The following IL3RA variants were observed in gnomAD, a reference collection of about 807,000 sequenced individuals.
The protein encoded by IL3RA is interleukin-3 receptor subunit alpha.
In IL3RA, 73 loss-of-function variants were observed where a neutral mutation model predicts 52.3. That is an observed-to-expected ratio of 1.40 (90% CI 1.16 to 1.70). The LOEUF (loss-of-function observed/expected upper bound fraction) is 1.70, where lower values mean the gene tolerates loss of function less well. Ranked by LOEUF, IL3RA falls within the 40% of genes most tolerant of loss-of-function variation. IL3RA has a pLI of 0.00. For synonymous variants in IL3RA, 260 were observed against 194.0 expected, an observed-to-expected ratio of 1.34 and a Z score of -2.83; for missense variants, 664 against 504.4, an observed-to-expected ratio of 1.32 and a Z score of -3.03.
At chrX:1,381,352 C>T (rs753966390) in intron 11 of IL3RA, among the ~76,000 whole-genome samples, 4 of 152,050 alleles carry the variant, frequency 2.6e-5, no homozygotes, top group African/African-American at 9.7e-5. Flanking sequence ...GAACTACGAT[C>T]GAGCCACTGC....
chrX:1,352,566 C>A, intron 6 of IL3RA, 60 bp downstream of exon 6: 1 of 1,541,016 alleles, frequency 6.5e-7, no homozygotes, highest in Admixed American at 1.9e-5. Context: ...GCTTTAGCGC[C>A]AGGCCAGATC....
intron 2 of IL3RA, among the ~76,000 whole-genome samples, chrX:1,345,109 A>T (rs1280249656): frequency 6.6e-6 from 1 of 150,424 alleles, no homozygotes; most frequent in Admixed American, 6.6e-5. Context: ...CGGAGCTTGC[A>T]GTGAGCTGAG....
At chrX:1,344,305 G>T (rs186744227) in intron 2 of IL3RA, among the ~76,000 whole-genome samples, 160 of 151,514 alleles carry the variant, frequency 1.1e-3, no homozygotes, top group African/African-American at 3.6e-3. Context: ...GTGGTGGCAG[G>T]CACCTGTTAT....
chrX:1,382,670 ATTTTT>A lies in IL3RA; in HGVS notation c.*214_*218del. On this transcript the variant is annotated 3_prime_UTR_variant, in exon 12 of 12. Coordinates refer to ENST00000331035, the MANE Select transcript of IL3RA (RefSeq NM_002183.4). ...TGTGTGTTTATTTCATGATAAAGTG[ATTTTT>A]TTTTTTTTAACCCACTCACTGGTCC... 1 of 531,434 alleles carries A rather than the reference ATTTTT, an allele frequency of 1.9e-6. No homozygotes were observed. Among genetic ancestry groups the A allele is most frequent in the Non-Finnish European group, 3.4e-6 (1 of 293,038 alleles). The allele number at this position is 531,434 out of a possible 1,614,324, so 32.9% of individuals were successfully genotyped here.
chrX:1,341,715 G>A lies in IL3RA; in HGVS notation c.-38-13G>A, dbSNP rs371052803. 1.3e-4 allele frequency: 216 copies of A among 1,609,396 alleles called. No homozygotes were observed. In the African/African-American group the frequency reaches 2.3e-3, roughly 17 times the overall value. ...AGCCAGTCCCCGCTGCCTGACTCTC[G>A]TTTCTCCTGCAGCAGGCACCTCTGT... is the stretch of plus-strand genomic sequence containing the variant. On this transcript the variant is annotated splice_polypyrimidine_tract_variant and intron_variant, in intron 1 of 11. Transcript: ENST00000331035.
intron 8 of IL3RA, among the ~76,000 whole-genome samples, chrX:1,359,380 C>G (rs1454570716): frequency 6.6e-6 from 1 of 152,060 alleles, no homozygotes; most frequent in Non-Finnish European, 1.5e-5. Context: ...AACAGACAGC[C>G]GGACCACAGC....
chrX:1,382,518 G>A lies in IL3RA; in HGVS notation c.*53G>A. 1.9e-6 allele frequency: 3 copies of A among 1,552,504 alleles called. No individual in the cohort carries two copies. Among genetic ancestry groups the A allele is most frequent in the South Asian group, 1.1e-5 (1 of 89,852 alleles). On this transcript the variant is annotated 3_prime_UTR_variant, in exon 12 of 12. Coordinates refer to ENST00000331035, the MANE Select transcript of IL3RA (RefSeq NM_002183.4). ...TGCCTCAATCTCCCTGGCCGGGCCA[G>A]GCGCCTGCACAGACTGGCTGCTGGA... is the stretch of plus-strand genomic sequence containing the variant.
At chrX:1,360,699 T>G (rs2087198451) in intron 8 of IL3RA, among the ~76,000 whole-genome samples, 1 of 151,932 alleles carries the variant, frequency 6.6e-6, no homozygotes, top group African/African-American at 2.4e-5. Flanking sequence ...TTTTTTTTTT[T>G]TGTATTTTTA....
intron 8 of IL3RA, among the ~76,000 whole-genome samples, chrX:1,363,427 A>C (rs2087631368): frequency 6.6e-6 from 1 of 151,074 alleles, no homozygotes; most frequent in South Asian, 2.1e-4. Flanking sequence ...CAGCCTCCTG[A>C]GTAGCTGGGA....
chrX:1,337,676 G>A (rs6647009), intron 1 of IL3RA, among the ~76,000 whole-genome samples: 2,204 of 60,026 alleles, frequency 0.037, 1 homozygote, highest in East Asian at 0.052. Flanking sequence ...CCAGCCACAC[G>A]GTGGAATATT....
intron 4 of IL3RA, among the ~76,000 whole-genome samples, chrX:1,349,357 T>C (rs6422440): frequency 0.72 from 108,592 of 151,450 alleles, 39,225 homozygotes; most frequent in Middle Eastern, 0.79. Context: ...AATTCTTGTA[T>C]TTTTAGTAGA....
intron 6 of IL3RA, among the ~76,000 whole-genome samples, chrX:1,353,160 T>C (rs1332501588): frequency 7.3e-5 from 10 of 137,140 alleles, no homozygotes; most frequent in African/African-American, 2.2e-4. Flanking sequence ...ATGGGATCCC[T>C]CATCGTGGGT....
At position 1,341,777 on chromosome X, in the gene IL3RA, T is replaced by C; in HGVS notation, c.12T>C (p.Leu4=). The C allele has an allele frequency of 1.2e-6, 2 of 1,613,914 alleles. No individual in the cohort carries two copies. Among genetic ancestry groups the C allele is most frequent in the Non-Finnish European group, 1.7e-6 (2 of 1,179,856 alleles). MVL[L]WLTLLLIALP... Reference sequence around the variant, plus strand: ...GAGCTGCGTTCCCGATGGTCCTCCTTTGGCTCACGCTGCTCCTGATCGCCC... The same window carrying C: ...GAGCTGCGTTCCCGATGGTCCTCCTCTGGCTCACGCTGCTCCTGATCGCCC... The change falls in exon 2 of 12, where the codon CTT becomes CTC. Residue 4 remains leucine, a synonymous_variant. Transcript: ENST00000331035.
In IL3RA at chrX:1,378,724, A is replaced by G; in HGVS notation, c.940A>G (p.Thr314Ala). 1 of 1,612,494 alleles carries G rather than the reference A, an allele frequency of 6.2e-7. No individual in the cohort carries two copies. Among genetic ancestry groups the G allele is most frequent in the Non-Finnish European group, 8.5e-7 (1 of 1,179,838 alleles). Residue 314 changes from threonine to alanine, a missense_variant, in exon 10 of 12, where the codon ACG becomes GCG. Thr to Ala is a moderately conservative substitution (Grantham distance 58). Transcript: ENST00000331035. ...GACGTCGCTGCTGATCGCGCTGGGG[A>G]CGCTGCTGGCCCTGGTCTGTGTCTT... ...WRTSLLIALG[T>A]LLALVCVFVI...
Position 1,365,154 on chromosome X carries a change from C to G in IL3RA, c.776C>G (p.Ser259Cys), listed in dbSNP as rs1157599671. The G allele has an allele frequency of 2.5e-5, 40 of 1,610,008 alleles. No individual in the cohort carries two copies. Among genetic ancestry groups the G allele is most frequent in the Non-Finnish European group, 3.3e-5 (39 of 1,178,002 alleles). Residue 259 changes from serine to cysteine, a missense_variant, in exon 9 of 12, where the codon TCC becomes TGC. Physicochemically the swap from Ser to Cys is moderately radical, Grantham distance 112 (BLOSUM62 -1). Coordinates refer to ENST00000331035, the MANE Select transcript of IL3RA (RefSeq NM_002183.4). ...AAACCACAGGTCAGAGACAGAACCT[C>G]CTTCCAGCTACTCAATCCTGGAACG... ...VITEQVRDRT[S>C]FQLLNPGTYT...
Position 1,349,755 on chromosome X carries a change from C to T in IL3RA, c.298+1210C>T, listed in dbSNP as rs1214858916. On this transcript the variant is annotated intron_variant, in intron 4 of 11. Coordinates refer to ENST00000331035, the MANE Select transcript of IL3RA (RefSeq NM_002183.4). ...TCAGCTTACCGCAAACTCCGCCTCCCGGGTTCAAGCGATTCTCCTGCCTCA... is the reference window on the plus strand; with the variant it reads ...TCAGCTTACCGCAAACTCCGCCTCCTGGGTTCAAGCGATTCTCCTGCCTCA... Among the ~76,000 whole-genome samples, 37 of 152,096 alleles carry T rather than the reference C, an allele frequency of 2.4e-4. 1 individual carries two copies. The highest frequency in any genetic ancestry group is 7.9e-4 in the African/African-American group (33 of 41,514).
At chrX:1,348,650 CT>C (rs1299048382) in intron 4 of IL3RA, 105 bp downstream of exon 4, 1 of 357,382 alleles carries the variant, frequency 2.8e-6, no homozygotes, top group East Asian at 4.4e-5. Context: ...TTTTCTCTTT[CT>C]TTCTTTCTTT....
At chrX:1,340,719 C>T (rs1167330991) in intron 1 of IL3RA, among the ~76,000 whole-genome samples, 1 of 152,156 alleles carries the variant, frequency 6.6e-6, no homozygotes, top group Non-Finnish European at 1.5e-5. Flanking sequence ...GGCACGGTGG[C>T]TCACACCTGT....
intron 8 of IL3RA, among the ~76,000 whole-genome samples, chrX:1,361,920 T>C (rs1369239605): frequency 6.6e-6 from 1 of 151,988 alleles, no homozygotes; most frequent in Non-Finnish European, 1.5e-5. Context: ...GTGGGAGTTA[T>C]AAGGGCTACA....
Sources: allele counts gnomAD v4.1 joint callset (sites outside exome capture counted in the v4.1 genomes callset), GRCh38; gene constraint gnomAD v4.1.1; transcripts MANE v1.5; gene names NCBI Gene and HGNC (gene_info 2026-07-23, HGNC 2026-07-21).